SEZ6L2: variants seen among roughly 807,000 people sequenced by gnomAD.
SEZ6L2 encodes the protein seizure related 6 homolog like 2.
In SEZ6L2, 44 loss-of-function variants were observed where a neutral mutation model predicts 97.0. That is an observed-to-expected ratio of 0.45 (90% CI 0.36 to 0.58). SEZ6L2 has a LOEUF of 0.58. Among genes scored for constraint, SEZ6L2 ranks in the 20% least tolerant of loss-of-function variants. The pLI is 0.00. For missense variants in SEZ6L2, 1,086 were observed against 1,233.3 expected (o/e 0.88, Z 1.79); for synonymous variants, 543 against 546.1 (o/e 0.99, Z 0.08).
intron 3 of SEZ6L2, 41 bp from the exon 4 acceptor site, chr16:29,895,901 G>A (rs944498174): frequency 7.7e-6 from 12 of 1,566,458 alleles, no homozygotes; most frequent in Non-Finnish European, 1.0e-5. Context: ...GAATGCCTGT[G>A]CTTTTGCCCT....
chr16:29,895,735 C>G lies in SEZ6L2; in HGVS notation c.637G>C (p.Gly213Arg). Residue 213 changes from glycine to arginine, a missense_variant, in exon 4 of 18, where the codon GGC becomes CGC. Physicochemically the swap from Gly to Arg is moderately radical, Grantham distance 125. This residue lies in a region of SEZ6L2 where 776 missense variants were observed against 794.7 expected (regional missense o/e 0.98). Transcript: ENST00000617533. ...TYSIHVYPGYGIEIQVQTLNL... is the reference protein window; with the variant it reads ...TYSIHVYPGYRIEIQVQTLNL... ...GGTCCAGTTACCTGGATCTCAATGC[C>G]GTAGCCAGGGTAGACATGGATGCTG... The G allele has an allele frequency of 1.2e-6, 2 of 1,613,274 alleles. No homozygotes were observed. Among genetic ancestry groups the G allele is most frequent in the Non-Finnish European group, 1.7e-6 (2 of 1,179,702 alleles).
chr16:29,884,586 T>A (rs2068093888), intron 8 of SEZ6L2, among the ~76,000 whole-genome samples: 1 of 149,038 alleles, frequency 6.7e-6, no homozygotes, highest in South Asian at 2.1e-4. Flanking sequence ...AGAGGAACTC[T>A]GTCTCAAAAT....
intron 14 of SEZ6L2, 84 bp from the exon 15 acceptor site, chr16:29,872,827 G>T: frequency 1.7e-6 from 2 of 1,160,500 alleles, no homozygotes; most frequent in Non-Finnish European, 1.2e-6. Context: ...GGTGGGGCTG[G>T]GCTGGACAGC....
In SEZ6L2 at chr16:29,873,580, T is replaced by A. The variant is rs776612384; in HGVS notation, c.2254A>T (p.Thr752Ser). The A allele has an allele frequency of 1.2e-6, 2 of 1,614,178 alleles. No individual in the cohort carries two copies. Among genetic ancestry groups the A allele is most frequent in the Non-Finnish European group, 1.7e-6 (2 of 1,180,022 alleles). ...CTATCGCTCCACTTGGGTGTGCCTGTGTCCCGGCTGTAGCAGGTGAGCATG... is the reference window on the plus strand; with the variant it reads ...CTATCGCTCCACTTGGGTGTGCCTGAGTCCCGGCTGTAGCAGGTGAGCATG... ...AAMLTCYSRD[T>S]GTPKWSDRVP... is the part of the protein sequence containing the mutation. The change falls in exon 13 of 18, where the codon ACA becomes TCA. Residue 752 changes from threonine (T) to serine (S), a missense_variant. By Grantham distance (58) the Thr-to-Ser change is moderately conservative (BLOSUM62 1). Coordinates refer to ENST00000617533, the MANE Select transcript of SEZ6L2 (RefSeq NM_001243332.2). This position sits in a 1 kb window ranked among gnomAD's most constrained non-coding sequence, Gnocchi z 4.3.
At position 29,897,930 on chromosome 16, in the gene SEZ6L2, G is replaced by A. The variant is rs139348744; in HGVS notation, c.134C>T (p.Thr45Met). The A allele has an allele frequency of 4.3e-5, 70 of 1,613,562 alleles. 1 individual carries two copies. Among genetic ancestry groups the A allele is most frequent in the East Asian group, 2.7e-4 (12 of 44,872 alleles). The change falls in exon 2 of 18, where the codon ACG becomes ATG. Residue 45 changes from threonine (T) to methionine (M), a missense_variant. By Grantham distance (81) the Thr-to-Met change is moderately conservative. This residue lies in a region of SEZ6L2 where 776 missense variants were observed against 794.7 expected (regional missense o/e 0.98). Transcript: ENST00000617533. ...TTCAGCCAGGGCCTCAGAGGCCACC[G>A]TGGGGGTCTCACTTCCAGGCTCTGG... is the stretch of plus-strand genomic sequence containing the variant. ...ILPEPGSETPTVASEALAELL... is the reference protein window; with the variant it reads ...ILPEPGSETPMVASEALAELL...
At chr16:29,889,294 C>T (rs2068218092) in intron 5 of SEZ6L2, among the ~76,000 whole-genome samples, 1 of 152,060 alleles carries the variant, frequency 6.6e-6, no homozygotes, top group Admixed American at 6.6e-5. Context: ...CGAAAATTAG[C>T]CAGGCGTGGT....
Position 29,897,006 on chromosome 16 carries a change from A to G in SEZ6L2, c.327T>C (p.Pro109=). The G allele has an allele frequency of 6.3e-7, 1 of 1,585,566 alleles. No individual in the cohort carries two copies. The highest frequency in any genetic ancestry group is 8.5e-7 in the Non-Finnish European group (1 of 1,169,866). ...TGGGGCCTGCCCCCCTGACCCCGTTAGGGGTGACGGCTGTTGTCAGAGGCC... is the reference window on the plus strand; with the variant it reads ...TGGGGCCTGCCCCCCTGACCCCGTTGGGGGTGACGGCTGTTGTCAGAGGCC... ...GTGPLTTAVT[P]NGVRGAGPTA... is the part of the protein sequence containing the mutation. Residue 109 remains proline, a synonymous_variant, in exon 3 of 18, where the codon CCT becomes CCC. Coordinates refer to ENST00000617533, the MANE Select transcript of SEZ6L2 (RefSeq NM_001243332.2).
In SEZ6L2 at chr16:29,895,422, C is replaced by A; in HGVS notation, c.690G>T (p.Leu230=). The A allele has an allele frequency of 6.2e-7, 1 of 1,614,122 alleles. No individual in the cohort carries two copies. The highest frequency in any genetic ancestry group is 8.5e-7 in the Non-Finnish European group (1 of 1,180,024). Residue 230 remains leucine (L), a synonymous_variant, in exon 5 of 18, where the codon CTG becomes CTT. Coordinates refer to ENST00000617533, the MANE Select transcript of SEZ6L2 (RefSeq NM_001243332.2). ...TLNLSQEEEL[L]VLAGGGSPGL... Reference sequence around the variant, plus strand: ...CTGGGGATCCCCCACCAGCCAGCACCAGGAGCTCCTCTTCCTGTGACAGGT... The same window carrying A: ...CTGGGGATCCCCCACCAGCCAGCACAAGGAGCTCCTCTTCCTGTGACAGGT...
chr16:29,874,494 G>C (rs1406199887), intron 12 of SEZ6L2, among the ~76,000 whole-genome samples: 3 of 144,620 alleles, frequency 2.1e-5, no homozygotes, highest in Non-Finnish European at 4.5e-5. Flanking sequence ...ATAAGCCTGA[G>C]CTACGTACCC....
At position 29,896,999 on chromosome 16, in the gene SEZ6L2, C is replaced by T. The variant is rs1295316206; in HGVS notation, c.334G>A (p.Val112Ile). 1.9e-6 allele frequency: 3 copies of T among 1,587,506 alleles called. No individual in the cohort carries two copies. Among genetic ancestry groups the T allele is most frequent in the Non-Finnish European group, 2.6e-6 (3 of 1,170,258 alleles). The part of the protein sequence containing the change: ...PLTTAVTPNG[V>I]RGAGPTAPEL... ...GGCGCAGTGGGGCCTGCCCCCCTGA[C>T]CCCGTTAGGGGTGACGGCTGTTGTC... The change falls in exon 3 of 18, where the codon GTC (valine) becomes ATC (isoleucine). Residue 112 changes from valine (V) to isoleucine (I), a missense_variant. Physicochemically the swap from Val to Ile is conservative, Grantham distance 29. This residue lies in a region of SEZ6L2 where 776 missense variants were observed against 794.7 expected (regional missense o/e 0.98). Coordinates refer to ENST00000617533, the MANE Select transcript of SEZ6L2 (RefSeq NM_001243332.2).
chr16:29,886,018 C>T, intron 7 of SEZ6L2: 1 of 299,420 alleles, frequency 3.3e-6, no homozygotes, highest in Non-Finnish European at 6.2e-6. Flanking sequence ...CAAGTAGTGG[C>T]AGGGCTGAGA....
chr16:29,888,816 G>T, intron 5 of SEZ6L2, 91 bp from the exon 6 acceptor site: 1 of 1,198,012 alleles, frequency 8.3e-7, no homozygotes, highest in African/African-American at 1.5e-5. Flanking sequence ...CTCCTTTCAG[G>T]CCAACCTTCC....
Position 29,876,696 on chromosome 16 carries a change from C to G in SEZ6L2, c.2104+60G>C, listed in dbSNP as rs534976797. ...GCACGGGGGTCGGGACAGGACAGGCCGACGACGGGGCCCACAGGGAAGGGG... is the reference window on the plus strand; with the variant it reads ...GCACGGGGGTCGGGACAGGACAGGCGGACGACGGGGCCCACAGGGAAGGGG... On this transcript the variant is annotated intron_variant, in intron 12 of 17. Transcript: ENST00000617533. The surrounding 1 kb of genome is among the most constrained non-coding windows in gnomAD (Gnocchi z 6.5). The G allele has an allele frequency of 1.5e-5, 22 of 1,446,550 alleles. No homozygotes were observed. Among genetic ancestry groups the G allele is most frequent in the East Asian group, 2.5e-5 (1 of 39,756 alleles). The allele number at this position is 1,446,550 out of a possible 1,614,324, so 89.6% of individuals were successfully genotyped here.
intron 10 of SEZ6L2, 61 bp from the exon 11 acceptor site, chr16:29,877,528 T>A: frequency 2.8e-6 from 4 of 1,441,824 alleles, no homozygotes; most frequent in Non-Finnish European, 3.8e-6. Flanking sequence ...CATCCAGCTC[T>A]GCCCCATCCT....
At chr16:29,874,428 C>A (rs11649093) in intron 12 of SEZ6L2, among the ~76,000 whole-genome samples, 1 of 151,934 alleles carries the variant, frequency 6.6e-6, no homozygotes, top group Non-Finnish European at 1.5e-5. Context: ...TGCCTTCAGG[C>A]GTTTGAGTTT....
In SEZ6L2 at chr16:29,897,840, C is replaced by T. The variant is rs2068438675; in HGVS notation, c.211+13G>A. ...CTGCCTCTAGGCCACTCCTGCCACT[C>T]TGGGGGCCTCACCTGGCAGGTAGCC... is the stretch of plus-strand genomic sequence containing the variant. On this transcript the variant is annotated intron_variant, in intron 2 of 17. Coordinates refer to ENST00000617533, the MANE Select transcript of SEZ6L2 (RefSeq NM_001243332.2). The T allele has an allele frequency of 1.3e-6, 2 of 1,595,848 alleles. No individual in the cohort carries two copies. The highest frequency in any genetic ancestry group is 3.8e-5 in the Admixed American group (2 of 53,178).
rs372406290 is a variant in SEZ6L2, at chr16:29,897,019, G to C, written c.314C>G (p.Thr105Arg). The change falls in exon 3 of 18, where the codon ACA becomes AGA. Residue 105 changes from threonine to arginine, a missense_variant. By Grantham distance (71) the Thr-to-Arg change is moderately conservative. Around this residue, in one of 2 missense-constraint regions of SEZ6L2, gnomAD observed 776 missense variants for 794.7 expected, o/e 0.98. Transcript: ENST00000617533. ...CCTGACCCCGTTAGGGGTGACGGCTGTTGTCAGAGGCCCTGTCCCCGGCTC... is the reference window on the plus strand; with the variant it reads ...CCTGACCCCGTTAGGGGTGACGGCTCTTGTCAGAGGCCCTGTCCCCGGCTC... ...ATEPGTGPLT[T>R]AVTPNGVRGA... The C allele has an allele frequency of 6.3e-7, 1 of 1,582,204 alleles. No homozygotes were observed. Among genetic ancestry groups the C allele is most frequent in the African/African-American group, 1.3e-5 (1 of 74,602 alleles).
intron 4 of SEZ6L2, 76 bp from the exon 5 acceptor site, chr16:29,895,536 T>C: frequency 6.5e-7 from 1 of 1,532,254 alleles, no homozygotes. Context: ...TCCTGTGCCT[T>C]TGCCCTGTGT....
At chr16:29,895,885 T>C (rs759230343) in intron 3 of SEZ6L2, 25 bp from the exon 4 acceptor site, 8 of 1,583,138 alleles carry the variant, frequency 5.1e-6, no homozygotes, top group Non-Finnish European at 6.0e-6. Context: ...ATGGCTGGGA[T>C]GGAAGGAATG....
Sources: allele counts gnomAD v4.1 joint callset (sites outside exome capture counted in the v4.1 genomes callset), GRCh38; gene constraint gnomAD v4.1.1; regional missense constraint gnomAD v4.1.1; non-coding constraint Gnocchi (gnomAD v3.1); transcripts MANE v1.5; gene names NCBI Gene and HGNC (gene_info 2026-07-23, HGNC 2026-07-21).